PCDHGA1: variants seen among roughly 807,000 people sequenced by gnomAD.
PCDHGA1 encodes protocadherin gamma-A1.
Under a neutral mutation model 58.0 loss-of-function variants are expected in PCDHGA1, and 32 were observed. That is an observed-to-expected ratio of 0.55 (90% CI 0.42 to 0.74). The LOEUF (loss-of-function observed/expected upper bound fraction) is 0.74, where lower values mean the gene tolerates loss of function less well. Ranked by LOEUF, PCDHGA1 falls within the 30% of genes least tolerant of loss-of-function variation. The pLI is 0.00. For synonymous variants in PCDHGA1, 498 were observed against 501.1 expected (o/e 0.99, Z 0.08); for missense variants, 1,205 against 1,182.3 (o/e 1.02, Z -0.28).
chr5:141,341,604 T>A, intron 1 of PCDHGA1: 1 of 994,024 alleles, frequency 1.0e-6, no homozygotes, highest in Non-Finnish European at 1.4e-6. Flanking sequence ...GCAATGAATG[T>A]AAACCAGGAG....
chr5:141,432,934 G>GC lies in PCDHGA1; in HGVS notation c.2422-61872dup. On this transcript the variant is annotated intron_variant, in intron 1 of 3. Transcript: ENST00000517417. The surrounding 1 kb of genome is among the most constrained non-coding windows in gnomAD (Gnocchi z 6.0). ...GGCGCTGGCACAAGTCACGCCTGCT[G>GC]CAGGCTTCAGGAGGCGGCTTGACAG... The GC allele has an allele frequency of 6.2e-7, 1 of 1,614,196 alleles. No individual in the cohort carries two copies. Among genetic ancestry groups the GC allele is most frequent in the Non-Finnish European group, 8.5e-7 (1 of 1,180,040 alleles).
chr5:141,487,355 G>A lies in PCDHGA1; in HGVS notation c.2422-7452G>A. ...AGCCTGTGGAGTCACATGCTTTCCT[G>A]CTGGCACCTGTGCCTGTCTCACCAG... On this transcript the variant is annotated intron_variant, in intron 1 of 3. Coordinates refer to ENST00000517417, the MANE Select transcript of PCDHGA1 (RefSeq NM_018912.3). This position sits in a 1 kb window ranked among gnomAD's most constrained non-coding sequence, Gnocchi z 5.0. 1 of 1,614,150 alleles carries A rather than the reference G, an allele frequency of 6.2e-7. No homozygotes were observed. Among genetic ancestry groups the A allele is most frequent in the South Asian group, 1.1e-5 (1 of 91,090 alleles).
At chr5:141,465,831 T>A (rs997004387) in intron 1 of PCDHGA1, among the ~76,000 whole-genome samples, 1 of 151,980 alleles carries the variant, frequency 6.6e-6, no homozygotes, top group African/African-American at 2.4e-5. Context: ...TTGTTTAAAA[T>A]TTCAACTGAG....
At chr5:141,499,021 GAAGGAAGA>G (rs1193940810) in intron 2 of PCDHGA1, among the ~76,000 whole-genome samples, 2 of 140,162 alleles carry the variant, frequency 1.4e-5, no homozygotes, top group East Asian at 2.1e-4. Flanking sequence ...AGGAAGGAAG[GAAGGAAGA>G]AAAGAAAGAA....
intron 1 of PCDHGA1, chr5:141,388,461 G>C (rs1423485997): frequency 6.2e-7 from 1 of 1,613,762 alleles, no homozygotes; most frequent in Admixed American, 1.7e-5. Context: ...TAAATACCCT[G>C]AGATGGTATT....
At chr5:141,420,190 A>T in intron 1 of PCDHGA1, 3 of 1,613,922 alleles carry the variant, frequency 1.9e-6, no homozygotes, top group Non-Finnish European at 2.5e-6. Flanking sequence ...GTCCAGCCAC[A>T]CAAGATAACC....
intron 1 of PCDHGA1, among the ~76,000 whole-genome samples, chr5:141,482,442 C>T (rs942933015): frequency 1.4e-5 from 2 of 147,678 alleles, no homozygotes; most frequent in Non-Finnish European, 3.0e-5. Flanking sequence ...CTGATATTCA[C>T]CATTTATTAG....
chr5:141,446,230 G>A (rs548647406), intron 1 of PCDHGA1, among the ~76,000 whole-genome samples: 22 of 152,208 alleles, frequency 1.4e-4, no homozygotes, highest in African/African-American at 4.6e-4. Context: ...GTGTTGCCTG[G>A]CAAGTGGTAG....
At position 141,413,561 on chromosome 5, in the gene PCDHGA1, AT is replaced by A. The variant is rs1363955348; in HGVS notation, c.2421+80457del. The stretch of plus-strand genomic sequence containing the variant: ...TTTGGGATAGAAATAGAAGTAACTG[AT>A]ATCAATGACAATGCTCCAAAATTCC... On this transcript the variant is annotated intron_variant, in intron 1 of 3. Coordinates refer to ENST00000517417, the MANE Select transcript of PCDHGA1 (RefSeq NM_018912.3). The A allele has an allele frequency of 6.2e-6, 10 of 1,613,806 alleles. No individual in the cohort carries two copies. In the Admixed American group the frequency reaches 1.3e-4, roughly 22 times the overall value.
At chr5:141,382,816 T>G (rs1778462841) in intron 1 of PCDHGA1, 1 of 1,275,448 alleles carries the variant, frequency 7.8e-7, no homozygotes, top group Non-Finnish European at 1.1e-6. Context: ...CTCCCCTTCC[T>G]AAGACAGAGG....
intron 1 of PCDHGA1, chr5:141,352,573 TC>T: frequency 1.2e-6 from 2 of 1,613,874 alleles, no homozygotes; most frequent in Non-Finnish European, 8.5e-7. Flanking sequence ...CGGAAATGGC[TC>T]CCCCTCAGGA....
At chr5:141,428,333 T>A in intron 1 of PCDHGA1, 1 of 618,518 alleles carries the variant, frequency 1.6e-6, no homozygotes, top group Non-Finnish European at 2.9e-6. Context: ...ATTTCTATGC[T>A]CTTCTTCCTC....
intron 1 of PCDHGA1, among the ~76,000 whole-genome samples, chr5:141,354,612 C>T (rs1759590702): frequency 6.6e-6 from 1 of 152,210 alleles, no homozygotes; most frequent in Non-Finnish European, 1.5e-5. Context: ...GTTCCTGTCC[C>T]ACTGTCTTTT....
Position 141,485,337 on chromosome 5 carries a change from A to G in PCDHGA1, c.2422-9470A>G, listed in dbSNP as rs147409155. On this transcript the variant is annotated intron_variant, in intron 1 of 3. Transcript: ENST00000517417. The surrounding 1 kb of genome is among the most constrained non-coding windows in gnomAD (Gnocchi z 5.7). ...AATGTCGCTCAAGATTTCCTGCTGG[A>G]TACGGACAGTCTGTCAGCTCGCAGG... 4.3e-5 allele frequency: 70 copies of G among 1,614,012 alleles called. No individual in the cohort carries two copies. Among genetic ancestry groups the G allele is most frequent in the Non-Finnish European group, 5.7e-5 (67 of 1,180,016 alleles).
intron 1 of PCDHGA1, among the ~76,000 whole-genome samples, chr5:141,381,748 T>C (rs1252356879): frequency 6.6e-6 from 1 of 152,130 alleles, no homozygotes; most frequent in Non-Finnish European, 1.5e-5. Context: ...GATTCCGACA[T>C]TGTTCTACTA....
intron 1 of PCDHGA1, among the ~76,000 whole-genome samples, chr5:141,446,247 A>T (rs969960822): frequency 6.6e-6 from 1 of 152,160 alleles, no homozygotes; most frequent in African/African-American, 2.4e-5. Context: ...GTAGATCTTC[A>T]GTGAAATATT....
chr5:141,388,396 A>C, intron 1 of PCDHGA1: 2 of 1,614,014 alleles, frequency 1.2e-6, no homozygotes, highest in Non-Finnish European at 1.7e-6. Flanking sequence ...CAGAATTACC[A>C]ACTCAGTCCC....
chr5:141,445,537 G>A (rs1266179512), intron 1 of PCDHGA1, among the ~76,000 whole-genome samples: 1 of 152,182 alleles, frequency 6.6e-6, no homozygotes, highest in African/African-American at 2.4e-5. Flanking sequence ...AAGCCAACAA[G>A]GAGAAATACA....
chr5:141,384,553 G>C, intron 1 of PCDHGA1: 1 of 1,614,270 alleles, frequency 6.2e-7, no homozygotes, highest in Non-Finnish European at 8.5e-7. Context: ...GAGCCTGTTC[G>C]TGCTGGACCA....
Sources: gnomAD v4.1 joint callset for allele counts (sites outside exome capture counted in the v4.1 genomes callset) on GRCh38, gnomAD v4.1.1 for gene constraint, Gnocchi (gnomAD v3.1) non-coding constraint, MANE v1.5 for transcripts, NCBI Gene and HGNC (gene_info 2026-07-23, HGNC 2026-07-21) for gene names.